Variants in BLK observed in about 807,000 individuals in gnomAD.
BLK encodes BLK proto-oncogene, Src family tyrosine kinase, also known as tyrosine-protein kinase Blk.
Under a neutral mutation model 61.8 loss-of-function variants are expected in BLK, and 64 were observed. The observed-to-expected ratio is 1.03, with a 90% CI of 0.85 to 1.27. The LOEUF (loss-of-function observed/expected upper bound fraction) is 1.27. Ranked by LOEUF, BLK falls within the 50% of genes most tolerant of loss-of-function variation. The pLI, the probability that BLK is intolerant of heterozygous loss-of-function variation, is 0.00. For synonymous variants in BLK, 351 were observed against 272.0 expected (o/e 1.29, Z -2.86); for missense variants, 853 against 660.5 (o/e 1.29, Z -3.19).
intron 2 of BLK, among the ~76,000 whole-genome samples, chr8:11,544,914 G>A (rs1041669260): frequency 1.3e-5 from 2 of 152,146 alleles, no homozygotes; most frequent in African/African-American, 4.8e-5. Flanking sequence ...ACAAGAAAGA[G>A]ACTCGTTCCT....
chr8:11,556,425 T>C (rs1024070108), intron 8 of BLK: 7 of 576,478 alleles, frequency 1.2e-5, no homozygotes, highest in African/African-American at 9.3e-5. Context: ...GTGGGGCAAA[T>C]AGGTGAAATG....
At chr8:11,535,300 G>GAAAGAAAGAAAGAAAGAGAAAA (rs1800081190) in intron 1 of BLK, among the ~76,000 whole-genome samples, 2 of 144,322 alleles carry the variant, frequency 1.4e-5, no homozygotes, top group African/African-American at 5.1e-5. Context: ...AAGAAAGAAA[G>GAAAGAAAGAAAGAAAGAGAAAA]AAAGAAAGAA....
intron 1 of BLK, among the ~76,000 whole-genome samples, chr8:11,521,605 T>A (rs1432013239): frequency 6.6e-6 from 1 of 152,254 alleles, no homozygotes; most frequent in East Asian, 1.9e-4. Flanking sequence ...TTTATGTCTT[T>A]AATCAATTTG....
intron 1 of BLK, among the ~76,000 whole-genome samples, chr8:11,540,557 A>G (rs1800328230): frequency 6.6e-6 from 1 of 152,212 alleles, no homozygotes; most frequent in Admixed American, 6.5e-5. Context: ...TAGGAACAAG[A>G]AAAACATCAC....
rs28616741 is a variant in BLK, at chr8:11,517,623, G to A, written c.-2+23032G>A. ...ATGTTTGAGAGCTTTTCTCAGGTGT[G>A]TGGGAGGAAACAGCATGTTGGGGGC... On this transcript the variant is annotated intron_variant, in intron 1 of 12. Coordinates refer to ENST00000259089, the MANE Select transcript of BLK (RefSeq NM_001715.3). Among the ~76,000 whole-genome samples the A allele has an allele frequency of 8.7e-3, 1,319 of 152,348 alleles. 6 individuals carry two copies. The highest frequency in any genetic ancestry group is 0.044 in the Middle Eastern group (13 of 294).
chr8:11,503,834 AC>A (rs1798658047), intron 1 of BLK, among the ~76,000 whole-genome samples: 1 of 151,100 alleles, frequency 6.6e-6, no homozygotes, highest in African/African-American at 2.4e-5. Flanking sequence ...GCCATCTTCC[AC>A]CCTCCCCTGC....
intron 10 of BLK, chr8:11,560,322 G>C (rs1011727092): frequency 4.7e-6 from 1 of 213,828 alleles, no homozygotes; most frequent in African/African-American, 2.4e-5. Flanking sequence ...TGCATAGATG[G>C]ATGGATGGAT....
chr8:11,528,005 G>A (rs1273135811), intron 1 of BLK, among the ~76,000 whole-genome samples: 2 of 152,148 alleles, frequency 1.3e-5, no homozygotes, highest in African/African-American at 4.8e-5. Flanking sequence ...CCCTGAGCAA[G>A]GAGGGGGTTA....
At position 11,520,820 on chromosome 8, in the gene BLK, G is replaced by C. The variant is rs76889714; in HGVS notation, c.-1-22404G>C. 2.4e-4 allele frequency among the ~76,000 whole-genome samples: 37 copies of C among 152,220 alleles called. No individual in the cohort carries two copies. The East Asian group carries it at 5.2e-3, about 21-fold the overall frequency. ...AAGACAAGTAATTGAAAAGCTATTAGAGCTAATAAGAGAACTGAAATAGAC... is the reference window on the plus strand; with the variant it reads ...AAGACAAGTAATTGAAAAGCTATTACAGCTAATAAGAGAACTGAAATAGAC... On this transcript the variant is annotated intron_variant, in intron 1 of 12. Coordinates refer to ENST00000259089, the MANE Select transcript of BLK (RefSeq NM_001715.3).
intron 1 of BLK, among the ~76,000 whole-genome samples, chr8:11,522,815 G>A (rs1349797026): frequency 6.6e-6 from 1 of 151,966 alleles, no homozygotes; most frequent in African/African-American, 2.4e-5. Context: ...ATACAGAGTA[G>A]CAATATATAT....
intron 1 of BLK, among the ~76,000 whole-genome samples, chr8:11,528,270 C>T (rs1263329962): frequency 6.6e-6 from 1 of 152,108 alleles, no homozygotes; most frequent in Non-Finnish European, 1.5e-5. Context: ...CTCCTGAGCT[C>T]AAGTGATCTC....
At chr8:11,494,775 G>C (rs1211951439) in intron 1 of BLK, among the ~76,000 whole-genome samples, 184 bp downstream of exon 1, 1 of 152,216 alleles carries the variant, frequency 6.6e-6, no homozygotes, top group Non-Finnish European at 1.5e-5. Context: ...TGCATTTCCA[G>C]TTTTGAGAAT....
At chr8:11,554,946 C>G in intron 7 of BLK, 57 bp downstream of exon 7, 1 of 1,589,016 alleles carries the variant, frequency 6.3e-7, no homozygotes. Context: ...CTGGATCTCT[C>G]GCTAAGATTC....
chr8:11,562,788 G>A (rs1801549743), intron 11 of BLK, among the ~76,000 whole-genome samples, 191 bp from the exon 12 acceptor site: 1 of 152,204 alleles, frequency 6.6e-6, no homozygotes, highest in African/African-American at 2.4e-5. Context: ...TGCTGATGTC[G>A]TGTCTGCACT....
At chr8:11,517,700 G>A (rs1033448440) in intron 1 of BLK, among the ~76,000 whole-genome samples, 15 of 152,266 alleles carry the variant, frequency 9.9e-5, no homozygotes, top group East Asian at 7.7e-4. Context: ...TTCAGCTCCC[G>A]AAGACCCTCT....
intron 1 of BLK, among the ~76,000 whole-genome samples, chr8:11,527,560 C>A (rs900279758): frequency 2.0e-5 from 3 of 151,684 alleles, no homozygotes; most frequent in Non-Finnish European, 4.4e-5. Flanking sequence ...AATTAGTCTC[C>A]CCAAAGGTGT....
At chr8:11,544,064 G>C (rs1800511345) in intron 2 of BLK, among the ~76,000 whole-genome samples, 1 of 151,562 alleles carries the variant, frequency 6.6e-6, no homozygotes, top group Non-Finnish European at 1.5e-5. Flanking sequence ...CTGGATTCAA[G>C]TGATTCTCGT....
At chr8:11,556,916 G>T in intron 9 of BLK, 79 bp downstream of exon 9, 1 of 1,526,884 alleles carries the variant, frequency 6.5e-7, no homozygotes, top group Non-Finnish European at 8.9e-7. Context: ...GTCCGCTGCG[G>T]TGGGTTCACC....
chr8:11,524,106 A>T (rs558514078), intron 1 of BLK, among the ~76,000 whole-genome samples: 4 of 152,332 alleles, frequency 2.6e-5, no homozygotes, highest in African/African-American at 9.6e-5. Flanking sequence ...AAAATAACTT[A>T]TTTGACCATT....
Sources: gnomAD v4.1 joint callset for allele counts (sites outside exome capture counted in the v4.1 genomes callset) on GRCh38, gnomAD v4.1.1 for gene constraint, MANE v1.5 for transcripts, NCBI Gene and HGNC (gene_info 2026-07-23, HGNC 2026-07-21) for gene names.